CATSPERG: variants seen among roughly 807,000 people sequenced by gnomAD.
CATSPERG encodes cation channel sperm-associated auxiliary subunit gamma.
CATSPERG carries 115 observed loss-of-function variants against 145.0 expected under a neutral mutation model. The observed-to-expected ratio is 0.79, with a 90% confidence interval of 0.68 to 0.93. The LOEUF (loss-of-function observed/expected upper bound fraction) is 0.93. Among genes scored for constraint, CATSPERG ranks in the 40% least tolerant of loss-of-function variants. The probability of loss-of-function intolerance (pLI) is 0.00; values close to 1 mark genes in which losing one functional copy is unlikely to be tolerated. For synonymous variants in CATSPERG, 588 were observed against 589.0 expected (o/e 1.00, Z 0.02); for missense variants, 1,296 against 1,490.1 (o/e 0.87, Z 2.14).
chr19:38,340,884 C>T (rs1043847550), intron 3 of CATSPERG, among the ~76,000 whole-genome samples: 3 of 132,220 alleles, frequency 2.3e-5, no homozygotes, highest in East Asian at 2.2e-4. Context: ...TGAGGTAATA[C>T]GTTAGAAAGG....
At chr19:38,359,707 C>G in intron 14 of CATSPERG, 126 bp downstream of exon 14, 1 of 1,418,488 alleles carries the variant, frequency 7.0e-7, no homozygotes, top group South Asian at 1.4e-5. Flanking sequence ...TGAGAAAGGG[C>G]AGTGAAGCTC....
At chr19:38,356,457 G>C in intron 9 of CATSPERG, 27 bp from the exon 10 acceptor site, 2 of 1,612,872 alleles carry the variant, frequency 1.2e-6, no homozygotes, top group South Asian at 1.1e-5. Flanking sequence ...GAGAGGGCCT[G>C]AACATGAACC....
rs1239937892 is a variant in CATSPERG, at chr19:38,369,957, A to G, written c.3021-15A>G. On this transcript the variant is annotated splice_polypyrimidine_tract_variant and intron_variant, in intron 26 of 28. Coordinates refer to ENST00000409235, the MANE Select transcript of CATSPERG (RefSeq NM_021185.5). ...GCATGGTTGGTAGCACAACTGCCTG[A>G]TCTTTGGCTTGCAGGTGGCTCTGTC... 6.2e-7 allele frequency: 1 copy of G among 1,613,620 alleles called. No individual in the cohort carries two copies. The highest frequency in any genetic ancestry group is 1.7e-5 in the Admixed American group (1 of 60,010).
At position 38,338,961 on chromosome 19, in the gene CATSPERG, G is replaced by C. The variant is rs1048515069; in HGVS notation, c.324+1315G>C. ...CAACACCAGGTCGGGGGGAGGGGGTGGCGACGAAGTCCGGCGGAGTCAAAG... is the reference window on the plus strand; with the variant it reads ...CAACACCAGGTCGGGGGGAGGGGGTCGCGACGAAGTCCGGCGGAGTCAAAG... On this transcript the variant is annotated intron_variant, in intron 3 of 28. Coordinates refer to ENST00000409235, the MANE Select transcript of CATSPERG (RefSeq NM_021185.5). Among the ~76,000 whole-genome samples, 50 of 152,240 alleles carry C rather than the reference G, an allele frequency of 3.3e-4. 1 individual carries two copies. Among genetic ancestry groups the C allele is most frequent in the African/African-American group, 1.2e-3 (48 of 41,538 alleles).
chr19:38,362,718 C>T lies in CATSPERG; in HGVS notation c.2361C>T (p.Thr787=), dbSNP rs767613542. 2 of 1,614,054 alleles carry T rather than the reference C, an allele frequency of 1.2e-6. No homozygotes were observed. Among genetic ancestry groups the T allele is most frequent in the Non-Finnish European group, 1.7e-6 (2 of 1,179,956 alleles). Residue 787 remains threonine, a synonymous_variant, in exon 20 of 29, where the codon ACC becomes ACT. Transcript: ENST00000409235. ...CCCGTTTACTGCCCGGAGCAGGCAC[C>T]GCCTTCCAGCTGCATAGCCAGGTGG... is the stretch of plus-strand genomic sequence containing the variant. ...HSFRTQSELG[T]AFQLHSQVDV... is the part of the protein sequence containing the mutation.
intron 6 of CATSPERG, among the ~76,000 whole-genome samples, chr19:38,344,899 ATATT>A (rs1181693337): frequency 1.6e-4 from 15 of 93,056 alleles, no homozygotes; most frequent in Admixed American, 2.8e-4. Flanking sequence ...ATATATATAT[ATATT>A]TTTTTTTTTT....
At chr19:38,369,527 C>T (rs771613596) in intron 26 of CATSPERG, 10 of 238,788 alleles carry the variant, frequency 4.2e-5, no homozygotes, top group Non-Finnish European at 8.5e-6. Context: ...TCCCAAAGTG[C>T]TGGTATTATA....
intron 7 of CATSPERG, 27 bp from the exon 8 acceptor site, chr19:38,352,234 T>C: frequency 6.5e-7 from 1 of 1,549,418 alleles, no homozygotes; most frequent in Non-Finnish European, 8.7e-7. Flanking sequence ...GGCCACCTGC[T>C]CACCACTAGC....
At chr19:38,336,739 G>A (rs550447724) in intron 1 of CATSPERG, 11 of 253,090 alleles carry the variant, frequency 4.3e-5, no homozygotes, top group South Asian at 2.5e-4. Context: ...CTGTCAAAGC[G>A]AGAAATAGAA....
At chr19:38,344,395 A>G (rs1568372600) in intron 6 of CATSPERG, 27 bp downstream of exon 6, 12 of 1,543,726 alleles carry the variant, frequency 7.8e-6, no homozygotes, top group Non-Finnish European at 1.1e-5. Context: ...GGGGAAAAAG[A>G]CAATGGTCTG....
rs1296331809 is a variant in CATSPERG, at chr19:38,370,717, C to A, written c.3405C>A (p.Gly1135=). Residue 1135 remains glycine (G), a synonymous_variant, in exon 29 of 29, where the codon GGC becomes GGA. Coordinates refer to ENST00000409235, the MANE Select transcript of CATSPERG (RefSeq NM_021185.5). The part of the protein sequence containing the change: ...SMPSLRHSRM[G]SMFSSRMTED... ...CGTCTCTGAGACATTCCAGGATGGG[C>A]TCCATGTTCAGCTCCAGGATGACAG... is the stretch of plus-strand genomic sequence containing the variant. 1.9e-5 allele frequency: 31 copies of A among 1,614,034 alleles called. No individual in the cohort carries two copies. Among genetic ancestry groups the A allele is most frequent in the Non-Finnish European group, 2.5e-5 (30 of 1,179,984 alleles).
chr19:38,360,467 C>T (rs1345571028), intron 14 of CATSPERG, 22 bp from the exon 15 acceptor site: 4 of 1,613,334 alleles, frequency 2.5e-6, no homozygotes, highest in Non-Finnish European at 3.4e-6. Context: ...GACACACACA[C>T]ATCCGGCTGT....
Position 38,360,494 on chromosome 19 carries a change from G to T in CATSPERG, c.1614G>T (p.Trp538Cys), listed in dbSNP as rs757841923. The change falls in exon 15 of 29, where the codon TGG becomes TGT. Residue 538 changes from tryptophan (W) to cysteine (C), a missense_variant. Trp to Cys is a radical substitution (Grantham distance 215, BLOSUM62 -2). Transcript: ENST00000409235. ...TCCGGCTGTCATACCCGCAGATCTG[G>T]TACCTCCTGGAGGGCAGCTACCGGG... is the stretch of plus-strand genomic sequence containing the variant. ...VAIVTETEEIWYLLEGSYRVY... is the reference protein window; with the variant it reads ...VAIVTETEEICYLLEGSYRVY... 1 of 1,613,996 alleles carries T rather than the reference G, an allele frequency of 6.2e-7. No individual in the cohort carries two copies. Among genetic ancestry groups the T allele is most frequent in the Non-Finnish European group, 8.5e-7 (1 of 1,179,964 alleles).
intron 6 of CATSPERG, 120 bp downstream of exon 6, chr19:38,344,488 A>G (rs2145068552): frequency 2.4e-6 from 2 of 819,106 alleles, no homozygotes; most frequent in Non-Finnish European, 4.1e-6. Flanking sequence ...CAGGCCCCAC[A>G]TGAAGATCCC....
chr19:38,370,605 G>A lies in CATSPERG; in HGVS notation c.3293G>A (p.Cys1098Tyr). The change falls in exon 29 of 29, where the codon TGC becomes TAC. Residue 1098 changes from cysteine (C) to tyrosine (Y), a missense_variant. Transcript: ENST00000409235. ...CLLWPLVVKG[C>Y]TMIRWKINNL... ...CTGTGGCCCCTCGTGGTGAAGGGCT[G>A]CACGATGATCCGGTGGAAGATAAAC... 1 of 1,614,174 alleles carries A rather than the reference G, an allele frequency of 6.2e-7. No individual in the cohort carries two copies. Among genetic ancestry groups the A allele is most frequent in the Non-Finnish European group, 8.5e-7 (1 of 1,180,038 alleles).
At position 38,349,647 on chromosome 19, in the gene CATSPERG, T is replaced by TG. The variant is rs1431624626; in HGVS notation, c.826-2614_826-2613insG. The stretch of plus-strand genomic sequence containing the variant: ...AACAGAGACTGTTGCTCATTGTTTT[T>TG]TTTTGTTTGTTTGTTTGTTTGTTTG... On this transcript the variant is annotated intron_variant, in intron 7 of 28. Transcript: ENST00000409235. 251 of 148,000 alleles carry TG rather than the reference T, an allele frequency of 1.7e-3. 23 individuals carry two copies. The South Asian group carries it at 0.031, about 18-fold the overall frequency. 9.2% of individuals were successfully genotyped at this position (148,000 alleles called of 1,614,324 possible).
At chr19:38,359,982 T>A in intron 14 of CATSPERG, 2 of 1,035,054 alleles carry the variant, frequency 1.9e-6, no homozygotes, top group East Asian at 8.5e-5. Flanking sequence ...GAGGGCTTCA[T>A]GGGGGAGACC....
chr19:38,367,888 C>A, intron 25 of CATSPERG, 112 bp downstream of exon 25: 2 of 1,199,908 alleles, frequency 1.7e-6, no homozygotes, highest in Non-Finnish European at 1.2e-6. Flanking sequence ...CAGGCCCTGC[C>A]CACAGTGGGG....
chr19:38,367,015 A>C, intron 22 of CATSPERG, 141 bp from the exon 23 acceptor site: 1 of 712,946 alleles, frequency 1.4e-6, no homozygotes, highest in Non-Finnish European at 2.3e-6. Flanking sequence ...ATTAATGACC[A>C]TATTGCCCTT....
Sources: gnomAD v4.1 joint callset for allele counts (sites outside exome capture counted in the v4.1 genomes callset) on GRCh38, gnomAD v4.1.1 for gene constraint, MANE v1.5 for transcripts, NCBI Gene and HGNC (gene_info 2026-07-23, HGNC 2026-07-21) for gene names.